Variants in FAM217A observed in about 807,000 individuals in gnomAD.
The protein encoded by FAM217A is protein FAM217A.
FAM217A carries 13 observed loss-of-function variants against 18.5 expected under a neutral mutation model. The observed-to-expected ratio is 0.70, with a 90% CI of 0.46 to 1.12. The LOEUF (loss-of-function observed/expected upper bound fraction) is 1.12, where lower values mean the gene tolerates loss of function less well. Ranked by LOEUF, FAM217A falls within the 50% of genes most tolerant of loss-of-function variation. FAM217A has a pLI of 0.00. For missense variants in FAM217A, 560 were observed against 575.4 expected, an observed-to-expected ratio of 0.97 and a Z score of 0.27; for synonymous variants, 161 against 202.8, an observed-to-expected ratio of 0.79 and a Z score of 1.75.
At position 4,068,497 on chromosome 6, in the gene FAM217A, G is replaced by T. The variant is rs1196023858; in HGVS notation, c.*199C>A. 4.2e-6 allele frequency: 2 copies of T among 472,900 alleles called. No homozygotes were observed. The highest frequency in any genetic ancestry group is 6.6e-5 in the East Asian group (2 of 30,090). 29.3% of individuals were successfully genotyped at this position (472,900 alleles called of 1,614,324 possible). On this transcript the variant is annotated 3_prime_UTR_variant, in exon 7 of 7. Coordinates refer to ENST00000274673, the MANE Select transcript of FAM217A (RefSeq NM_173563.3). The stretch of plus-strand genomic sequence containing the variant: ...CAACATGCAAAAGATTGTGAAATAT[G>T]TCAGTATAGAAGCCTGTGGGTTTAT...
intron 1 of FAM217A, among the ~76,000 whole-genome samples, chr6:4,077,669 TCAGAA>T (rs36205969): frequency 0.23 from 34,329 of 151,728 alleles, 4,170 homozygotes; most frequent in East Asian, 0.36. Flanking sequence ...CTGGCAGATC[TCAGAA>T]CAGAAGATTA....
At chr6:4,076,338 GAA>G (rs796414665) in intron 2 of FAM217A, among the ~76,000 whole-genome samples, 8 of 101,536 alleles carry the variant, frequency 7.9e-5, no homozygotes, top group African/African-American at 1.9e-4. Context: ...CAAAAAAAAA[GAA>G]AAAAAAAAAA....
In FAM217A at chr6:4,085,312, AT is replaced by A. The variant is rs1443814124; in HGVS notation, c.19-503del. Among the ~76,000 whole-genome samples, 139 of 66,492 alleles carry A rather than the reference AT, an allele frequency of 2.1e-3. No homozygotes were observed. The Middle Eastern group carries it at 0.035, about 17-fold the overall frequency. The allele number at this position is 66,492 out of a possible 152,430, so 43.6% of individuals were successfully genotyped here. ...GAAGTGTTATTCATTGTAAAAAAAA[AT>A]ATATATATATATATAAAATATGTAA... On this transcript the variant is annotated intron_variant, in intron 1 of 8. Coordinates refer to the FAM217A transcript ENST00000639338.
chr6:4,082,070 T>C (rs1387168957), upstream of FAM217A, among the ~76,000 whole-genome samples: 1 of 152,230 alleles, frequency 6.6e-6, no homozygotes, highest in Non-Finnish European at 1.5e-5. Flanking sequence ...TGGAGACTTT[T>C]GAATGCTTTG....
In FAM217A at chr6:4,069,708, G is replaced by A; in HGVS notation, c.515C>T (p.Thr172Ile). ...TGTTTCACCATCATTGTTTTCTATA[G>A]TTGAACATGAACTAACATGAATCTC... is the stretch of plus-strand genomic sequence containing the variant. ...RNEIHVSSCS[T>I]IENNDGETLP... The change falls in exon 7 of 7, where the codon ACT becomes ATT. Residue 172 changes from threonine to isoleucine, a missense_variant. Coordinates refer to ENST00000274673, the MANE Select transcript of FAM217A (RefSeq NM_173563.3). 1.2e-6 allele frequency: 2 copies of A among 1,613,984 alleles called. No individual in the cohort carries two copies. The highest frequency in any genetic ancestry group is 1.7e-6 in the Non-Finnish European group (2 of 1,180,004).
chr6:4,085,350 C>T (rs1182340485), intron 1 of FAM217A, among the ~76,000 whole-genome samples: 1 of 148,934 alleles, frequency 6.7e-6, no homozygotes, highest in Non-Finnish European at 1.5e-5. Flanking sequence ...AATATATATC[C>T]ATCTGATAGT....
At chr6:4,085,332 T>C (rs1458780439) in intron 1 of FAM217A, among the ~76,000 whole-genome samples, 1 of 144,952 alleles carries the variant, frequency 6.9e-6, no homozygotes, top group Non-Finnish European at 1.5e-5. Flanking sequence ...ATATATAAAA[T>C]ATGTAAAAAT....
Position 4,068,510 on chromosome 6 carries a change from C to G in FAM217A, c.*186G>C, listed in dbSNP as rs961157304. 1.5e-5 allele frequency: 8 copies of G among 534,006 alleles called. No homozygotes were observed. In the East Asian group the frequency reaches 2.5e-4, roughly 16 times the overall value. 33.1% of individuals were successfully genotyped at this position (534,006 alleles called of 1,614,324 possible). On this transcript the variant is annotated 3_prime_UTR_variant, in exon 7 of 7. Transcript: ENST00000274673. Reference sequence around the variant, plus strand: ...ATTGTGAAATATGTCAGTATAGAAGCCTGTGGGTTTATATATAGACATCTC... The same window carrying G: ...ATTGTGAAATATGTCAGTATAGAAGGCTGTGGGTTTATATATAGACATCTC...
upstream of FAM217A, among the ~76,000 whole-genome samples, chr6:4,083,587 T>C (rs1317338006): frequency 1.3e-5 from 2 of 151,244 alleles, no homozygotes; most frequent in African/African-American, 4.9e-5. Flanking sequence ...AGTCCCACTC[T>C]GTTGCCCAGG....
chr6:4,085,303 T>TAAAAA (rs879633358), intron 1 of FAM217A, among the ~76,000 whole-genome samples: 4 of 142,124 alleles, frequency 2.8e-5, no homozygotes, highest in African/African-American at 8.0e-5. Flanking sequence ...TTATTCATTG[T>TAAAAA]AAAAAAAAAT....
At chr6:4,078,808 G>A in intron 1 of FAM217A, 44 bp downstream of exon 1, 1 of 436,438 alleles carries the variant, frequency 2.3e-6, no homozygotes, top group South Asian at 4.7e-5. Context: ...AGGGGTAGCA[G>A]GAGGGGGCTG....
intron 6 of FAM217A, among the ~76,000 whole-genome samples, chr6:4,072,294 C>T (rs557791417): frequency 2.0e-5 from 3 of 151,532 alleles, no homozygotes; most frequent in Non-Finnish European, 4.4e-5. Flanking sequence ...GAGCTGAGAT[C>T]GTGCCATTGC....
At chr6:4,079,593 A>G (rs2113885754), upstream of FAM217A, 1 of 1,286,698 alleles carries the variant, frequency 7.8e-7, no homozygotes, top group South Asian at 1.2e-5. Context: ...CGACATGGCC[A>G]GTGGGCCTCT....
upstream of FAM217A, chr6:4,079,725 C>A: frequency 9.3e-7 from 1 of 1,076,854 alleles, no homozygotes. Flanking sequence ...CGCATTGATA[C>A]ATGTGAAGTT....
chr6:4,077,820 C>T (rs1490730073), intron 1 of FAM217A, among the ~76,000 whole-genome samples: 7 of 152,292 alleles, frequency 4.6e-5, no homozygotes, highest in Non-Finnish European at 1.0e-4. Flanking sequence ...AAAACAATTG[C>T]TCCATTTGAA....
In FAM217A at chr6:4,078,991, G is replaced by A; in HGVS notation, c.-174C>T. 1 of 484,226 alleles carries A rather than the reference G, an allele frequency of 2.1e-6. No individual in the cohort carries two copies. Among genetic ancestry groups the A allele is most frequent in the East Asian group, 3.6e-5 (1 of 27,894 alleles). 30.0% of individuals were successfully genotyped at this position (484,226 alleles called of 1,614,324 possible). A position where few individuals can be genotyped will look rare whatever the true frequency, so the allele number is the denominator to read the frequency against. On this transcript the variant is annotated 5_prime_UTR_variant, in exon 1 of 7. Coordinates refer to ENST00000274673, the MANE Select transcript of FAM217A (RefSeq NM_173563.3). Reference sequence around the variant, plus strand: ...TTCCTGCAGCGGGGGGACAAAGAGGGCGGCGGGCGGCTGGCGGCCTTGAGC... The same window carrying A: ...TTCCTGCAGCGGGGGGACAAAGAGGACGGCGGGCGGCTGGCGGCCTTGAGC...
Position 4,074,631 on chromosome 6 carries a change from C to T in FAM217A, c.91G>A (p.Val31Ile). The change falls in exon 3 of 7, where the codon GTA becomes ATA. Residue 31 changes from valine to isoleucine, a missense_variant. Transcript: ENST00000274673. ...AGGTTTTTATTTTCAGAAACAGGTA[C>T]TTCTGAATCCAAATTCCAGTGAGAT... The part of the protein sequence containing the change: ...NLSHWNLDSE[V>I]PVSENKNLPA... 1 of 1,613,230 alleles carries T rather than the reference C, an allele frequency of 6.2e-7. No individual in the cohort carries two copies. The highest frequency in any genetic ancestry group is 1.1e-5 in the South Asian group (1 of 91,056).
chr6:4,080,727 C>G (rs1052390282), upstream of FAM217A, among the ~76,000 whole-genome samples: 1 of 152,172 alleles, frequency 6.6e-6, no homozygotes. Flanking sequence ...TCAAGCACAT[C>G]GGACATTTTA....
chr6:4,079,647 CCG>C, upstream of FAM217A: 1 of 1,287,712 alleles, frequency 7.8e-7, no homozygotes, highest in Non-Finnish European at 1.0e-6. Context: ...TCCATTCCCA[CCG>C]CCTGCTCACA....
Sources: gnomAD v4.1 joint callset for allele counts (sites outside exome capture counted in the v4.1 genomes callset) on GRCh38, gnomAD v4.1.1 for gene constraint, MANE v1.5 for transcripts, NCBI Gene and HGNC (gene_info 2026-07-23, HGNC 2026-07-21) for gene names.